Variants in TAMM41 observed in about 807,000 individuals in gnomAD.
TAMM41 encodes the protein TAM41 mitochondrial translocator assembly and maintenance homolog.
In TAMM41, 36 loss-of-function variants were observed where a neutral mutation model predicts 44.1. That is an observed-to-expected ratio of 0.82 (90% CI 0.63 to 1.08). The LOEUF is 1.08. Among genes scored for constraint, TAMM41 ranks in the 50% least tolerant of loss-of-function variants. The pLI is 0.00. For missense variants in TAMM41, 417 were observed against 404.3 expected (o/e 1.03, Z -0.27); for synonymous variants, 164 against 153.1 (o/e 1.07, Z -0.53).
At position 11,836,532 on chromosome 3, in the gene TAMM41, C is replaced by T. The variant is rs868345920; in HGVS notation, c.411+2690G>A. 1.8e-4 allele frequency among the ~76,000 whole-genome samples: 27 copies of T among 152,296 alleles called. No homozygotes were observed. In the Middle Eastern group the frequency reaches 0.017, roughly 97 times the overall value. ...AGGCTGGAGTGCAGTAGCGCAATCT[C>T]GGCTCACTGCAACCTCCACTTTCTG... On this transcript the variant is annotated intron_variant, in intron 3 of 7. Transcript: ENST00000455809.
chr3:11,788,047 C>A (rs1251865258), downstream of TAMM41, among the ~76,000 whole-genome samples: 1 of 152,206 alleles, frequency 6.6e-6, no homozygotes, highest in Non-Finnish European at 1.5e-5. Flanking sequence ...AGGCACTACA[C>A]TGGAGTCTGG....
the TAMM41 span, among the ~76,000 whole-genome samples, chr3:11,724,385 G>A: frequency 6.6e-6 from 1 of 151,120 alleles, no homozygotes; most frequent in East Asian, 2.0e-4. Context: ...TTACAGGCAT[G>A]AGCCACCGCA....
chr3:11,814,008 AC>A (rs1225624513), intron 5 of TAMM41, among the ~76,000 whole-genome samples: 2 of 151,674 alleles, frequency 1.3e-5, no homozygotes, highest in African/African-American at 4.8e-5. Flanking sequence ...ACACACACAC[AC>A]ACACACACAC....
the TAMM41 span, among the ~76,000 whole-genome samples, chr3:11,728,144 G>T: frequency 6.6e-6 from 1 of 152,148 alleles, no homozygotes; most frequent in Non-Finnish European, 1.5e-5. Context: ...AAAAAAGAAA[G>T]TGAAATTTTA....
At chr3:11,763,139 C>G in the TAMM41 span, among the ~76,000 whole-genome samples, 1 of 152,154 alleles carries the variant, frequency 6.6e-6, no homozygotes. Flanking sequence ...CTAAAGCCAT[C>G]CTCCACCTTT....
At position 11,839,222 on chromosome 3, in the gene TAMM41, C is replaced by G; in HGVS notation, c.411G>C (p.Pro137=). Residue 137 remains proline, a splice_region_variant and synonymous_variant, in exon 3 of 8, where the codon CCG becomes CCC. Coordinates refer to ENST00000455809, the MANE Select transcript of TAMM41 (RefSeq NM_001284401.2). ...NLYIAGRLQK[P]VKIISVNEDV... ...ACTGTGCAGCCTATAAAACACTCAC[C>G]GGTTTTTGGAGTCGTCCAGCAATGT... 1 of 1,608,438 alleles carries G rather than the reference C, an allele frequency of 6.2e-7. No individual in the cohort carries two copies. The highest frequency in any genetic ancestry group is 2.2e-5 in the East Asian group (1 of 44,802).
At chr3:11,781,134 T>A in the TAMM41 span, among the ~76,000 whole-genome samples, 1 of 152,228 alleles carries the variant, frequency 6.6e-6, no homozygotes, top group African/African-American at 2.4e-5. Context: ...CTGCTTTTCA[T>A]CTGCCACGTC....
At chr3:11,736,191 T>C in the TAMM41 span, among the ~76,000 whole-genome samples, 1 of 152,158 alleles carries the variant, frequency 6.6e-6, no homozygotes. Context: ...CGTCTCATAA[T>C]GTGGAGTACA....
rs191848480 is a variant in TAMM41, at chr3:11,807,083, G to A, written c.937+750C>T. The A allele has an allele frequency of 2.6e-4, 204 of 788,230 alleles. No homozygotes were observed. In the African/African-American group the frequency reaches 3.7e-3, roughly 14 times the overall value. The allele number at this position is 788,230 out of a possible 1,614,324, so 48.8% of individuals were successfully genotyped here. A position where few individuals can be genotyped will look rare whatever the true frequency, so the allele number is the denominator to read the frequency against. On this transcript the variant is annotated intron_variant, in intron 7 of 7. Coordinates refer to ENST00000455809, the MANE Select transcript of TAMM41 (RefSeq NM_001284401.2). The stretch of plus-strand genomic sequence containing the variant: ...CCTTCTCAGGAAATTACTGGAAAAT[G>A]TGCTTCACCAAAATGAGAGTGTGCA...
intron 3 of TAMM41, among the ~76,000 whole-genome samples, chr3:11,833,868 T>C (rs1161658541): frequency 2.6e-5 from 4 of 152,224 alleles, no homozygotes; most frequent in African/African-American, 9.6e-5. Context: ...AGTTGAACTC[T>C]GAATATAGTA....
At chr3:11,749,519 G>C in the TAMM41 span, among the ~76,000 whole-genome samples, 1 of 152,214 alleles carries the variant, frequency 6.6e-6, no homozygotes, top group Non-Finnish European at 1.5e-5. Flanking sequence ...CCATTGTTTA[G>C]TACTAGAGTT....
chr3:11,724,442 G>A, the TAMM41 span, among the ~76,000 whole-genome samples: 11 of 147,606 alleles, frequency 7.5e-5, no homozygotes, highest in South Asian at 2.2e-4. Flanking sequence ...TTGAGACAGA[G>A]TCTCGCTCTC....
rs748304667 is a variant in TAMM41, at chr3:11,829,814, A to C, written c.462T>G (p.Asp154Glu). The change falls in exon 4 of 8, where the codon GAT becomes GAG. Residue 154 changes from aspartate (D) to glutamate (E), a missense_variant. Coordinates refer to ENST00000455809, the MANE Select transcript of TAMM41 (RefSeq NM_001284401.2). The stretch of plus-strand genomic sequence containing the variant: ...CGGTCACAGCACTCTTCAGATTTCT[A>C]TCGAGGGCTGATCTAAGAGTGACAT... The part of the protein sequence containing the change: ...NEDVTLRSAL[D>E]RNLKSAVTAA... 1.2e-6 allele frequency: 2 copies of C among 1,614,224 alleles called. No homozygotes were observed. Among genetic ancestry groups the C allele is most frequent in the Non-Finnish European group, 1.7e-6 (2 of 1,180,026 alleles).
At chr3:11,803,350 C>T (rs772992844) in intron 7 of TAMM41, among the ~76,000 whole-genome samples, 4 of 152,056 alleles carry the variant, frequency 2.6e-5, no homozygotes, top group East Asian at 1.9e-4. Flanking sequence ...CGCCACTATA[C>T]TCCAGCCTGA....
At chr3:11,769,745 G>T in the TAMM41 span, among the ~76,000 whole-genome samples, 1 of 152,238 alleles carries the variant, frequency 6.6e-6, no homozygotes, top group African/African-American at 2.4e-5. Context: ...AAATCAGAAT[G>T]GGGTGAGGGA....
At chr3:11,837,341 A>T (rs919675076) in intron 3 of TAMM41, among the ~76,000 whole-genome samples, 4 of 152,168 alleles carry the variant, frequency 2.6e-5, no homozygotes, top group Admixed American at 2.6e-4. Flanking sequence ...TAGCAACTGT[A>T]AATATTTAAC....
At chr3:11,838,253 C>T (rs548410612) in intron 3 of TAMM41, among the ~76,000 whole-genome samples, 15 of 152,172 alleles carry the variant, frequency 9.9e-5, no homozygotes, top group African/African-American at 3.1e-4. Context: ...CTCACTCTGT[C>T]GCCCAGGCTG....
chr3:11,841,989 C>A (rs1457147527), intron 2 of TAMM41, among the ~76,000 whole-genome samples: 1 of 152,198 alleles, frequency 6.6e-6, no homozygotes, highest in African/African-American at 2.4e-5. Context: ...TCAATCACAA[C>A]ACTCACTCCT....
rs1309987381 is a variant in TAMM41 at position 11,807,470 on chromosome 3, GT to G, written c.937+362del. 4.6e-6 allele frequency: 7 copies of G among 1,536,044 alleles called. No individual in the cohort carries two copies. The South Asian group carries it at 8.3e-5, about 18-fold the overall frequency. ...TAACCCACTAAGACAGATGGAAGCA[GT>G]TGTCTCAGAGAAGGGGAAGAGGAGG... On this transcript the variant is annotated intron_variant, in intron 7 of 7. Coordinates refer to ENST00000455809, the MANE Select transcript of TAMM41 (RefSeq NM_001284401.2).
Sources: gnomAD v4.1 joint callset for allele counts (sites outside exome capture counted in the v4.1 genomes callset) on GRCh38, gnomAD v4.1.1 for gene constraint, MANE v1.5 for transcripts, NCBI Gene and HGNC (gene_info 2026-07-23, HGNC 2026-07-21) for gene names.